EYA4: variants seen among roughly 807,000 people sequenced by gnomAD.
The protein encoded by EYA4 is EYA transcriptional coactivator and phosphatase 4, also known as protein phosphatase EYA4.
Under a neutral mutation model 87.9 loss-of-function variants are expected in EYA4, and 31 were observed. That is an observed-to-expected ratio of 0.35 (90% confidence interval 0.27 to 0.48). The LOEUF is 0.48. EYA4 is among the 20% of genes least tolerant of loss of function. The probability of loss-of-function intolerance (pLI) is 0.99; values close to 1 mark genes in which losing one functional copy is unlikely to be tolerated. For synonymous variants in EYA4, 263 were observed against 270.6 expected, an observed-to-expected ratio of 0.97 and a Z score of 0.28; for missense variants, 678 against 761.4, an observed-to-expected ratio of 0.89 and a Z score of 1.29.
chr6:133,422,535 A>G (rs1790309501), intron 3 of EYA4, among the ~76,000 whole-genome samples: 1 of 152,168 alleles, frequency 6.6e-6, no homozygotes, highest in African/African-American at 2.4e-5. Context: ...CATTTAAGTT[A>G]TTTCTAATTC....
intron 2 of EYA4, among the ~76,000 whole-genome samples, chr6:133,288,492 G>C (rs1246548358): frequency 6.6e-6 from 1 of 152,122 alleles, no homozygotes; most frequent in Non-Finnish European, 1.5e-5. Flanking sequence ...TTTAGGAGCA[G>C]GTATCAATGA....
intron 6 of EYA4, among the ~76,000 whole-genome samples, chr6:133,459,901 C>T (rs1459033263): frequency 6.6e-6 from 1 of 151,992 alleles, no homozygotes; most frequent in Admixed American, 6.6e-5. Flanking sequence ...TAAAAATATA[C>T]TTACTTCATT....
intron 13 of EYA4, among the ~76,000 whole-genome samples, chr6:133,488,800 A>G (rs1796896089): frequency 2.6e-5 from 4 of 152,146 alleles, no homozygotes; most frequent in Admixed American, 2.6e-4. Flanking sequence ...AAGGACAGGT[A>G]TAAAGAAGCC....
intron 3 of EYA4, 117 bp downstream of exon 3, chr6:133,382,558 T>A: frequency 1.2e-6 from 1 of 803,768 alleles, no homozygotes; most frequent in Non-Finnish European, 2.3e-6. Flanking sequence ...TTGAAGAACT[T>A]ATCTTGATGG....
At chr6:133,304,187 A>G (rs1779631371) in intron 2 of EYA4, among the ~76,000 whole-genome samples, 1 of 152,208 alleles carries the variant, frequency 6.6e-6, no homozygotes, top group Non-Finnish European at 1.5e-5. Context: ...CTCACCCTTA[A>G]CTAAGCATCA....
rs35905853 is a variant in EYA4, at chr6:133,348,261, G to GTT, written c.34-34103_34-34102dup. Among the ~76,000 whole-genome samples, 92 of 68,792 alleles carry GTT rather than the reference G, an allele frequency of 1.3e-3. 6 individuals carry two copies. Among genetic ancestry groups the GTT allele is most frequent in the African/African-American group, 2.9e-3 (45 of 15,508 alleles). The allele number at this position is 68,792 out of a possible 152,430, so 45.1% of individuals were successfully genotyped here. On this transcript the variant is annotated intron_variant, in intron 2 of 19. Transcript: ENST00000355286. ...ATCTTCCTCCTCATCTCTTCAAGTA[G>GTT]TTTTTTTTTTTTTTTTTTTTTTTTT...
At chr6:133,398,847 T>C (rs564551655) in intron 3 of EYA4, among the ~76,000 whole-genome samples, 2 of 152,156 alleles carry the variant, frequency 1.3e-5, no homozygotes, top group African/African-American at 4.8e-5. Flanking sequence ...TAAAACCTTG[T>C]CCCCAAATAA....
At chr6:133,274,363 A>G (rs1776993114) in intron 1 of EYA4, among the ~76,000 whole-genome samples, 1 of 152,196 alleles carries the variant, frequency 6.6e-6, no homozygotes, top group African/African-American at 2.4e-5. Context: ...TTGAAAGTAA[A>G]TGGTTAATTC....
rs181913152 is a variant in EYA4 at position 133,333,922 on chromosome 6, G to A, written c.34-48470G>A. On this transcript the variant is annotated intron_variant, in intron 2 of 19. Transcript: ENST00000355286. The stretch of plus-strand genomic sequence containing the variant: ...CCTTCTGAAAAAAGGTTTTTTTAGG[G>A]TAAGGAACTTTACTGGTGGGCTCTA... Among the ~76,000 whole-genome samples the A allele has an allele frequency of 2.8e-4, 42 of 152,190 alleles. No individual in the cohort carries two copies. The East Asian group carries it at 7.1e-3, about 26-fold the overall frequency.
intron 3 of EYA4, among the ~76,000 whole-genome samples, chr6:133,427,092 G>A (rs1438637789): frequency 6.6e-6 from 1 of 152,180 alleles, no homozygotes; most frequent in Non-Finnish European, 1.5e-5. Flanking sequence ...TTAAATAAGT[G>A]AATGAAAGTA....
intron 2 of EYA4, among the ~76,000 whole-genome samples, chr6:133,347,757 C>T (rs1287382197): frequency 6.6e-6 from 1 of 152,056 alleles, no homozygotes; most frequent in African/African-American, 2.4e-5. Context: ...TAACTTGTCC[C>T]AAAATCATGT....
intron 2 of EYA4, among the ~76,000 whole-genome samples, chr6:133,364,514 C>T (rs1784708324): frequency 6.6e-6 from 1 of 152,176 alleles, no homozygotes; most frequent in Non-Finnish European, 1.5e-5. Flanking sequence ...CTTGGGGCTC[C>T]TGCCAATAGT....
intron 3 of EYA4, among the ~76,000 whole-genome samples, chr6:133,392,076 G>A (rs3777808): frequency 0.03 from 4,614 of 152,190 alleles, 183 homozygotes; most frequent in East Asian, 0.18. Flanking sequence ...TTTAAGTGGA[G>A]TGGCAGCGAA....
intron 3 of EYA4, among the ~76,000 whole-genome samples, chr6:133,404,720 A>T (rs1276459697): frequency 6.6e-6 from 1 of 152,224 alleles, no homozygotes; most frequent in African/African-American, 2.4e-5. Flanking sequence ...TTATCAGTTA[A>T]TGTAAGTCTG....
chr6:133,244,888 G>A (rs1774280133), intron 1 of EYA4, among the ~76,000 whole-genome samples: 10 of 152,014 alleles, frequency 6.6e-5, no homozygotes, highest in Admixed American at 6.5e-4. Context: ...ACAGAAAGAC[G>A]ATGACTATTG....
chr6:133,268,425 A>G (rs1421178321), intron 1 of EYA4, among the ~76,000 whole-genome samples: 2 of 152,184 alleles, frequency 1.3e-5, no homozygotes, highest in Non-Finnish European at 2.9e-5. Flanking sequence ...TCAGAGTAAG[A>G]AGGAACATCA....
intron 2 of EYA4, among the ~76,000 whole-genome samples, chr6:133,334,448 C>T (rs1782213301): frequency 6.6e-6 from 1 of 152,120 alleles, no homozygotes; most frequent in Admixed American, 6.5e-5. Flanking sequence ...GTAAGACTGT[C>T]ACAGTAGGAT....
chr6:133,531,242 T>C lies in EYA4; in HGVS notation c.*2437T>C, dbSNP rs1800992618. The C allele has an allele frequency of 1.3e-6, 2 of 1,525,206 alleles. No homozygotes were observed. Among genetic ancestry groups the C allele is most frequent in the Non-Finnish European group, 1.8e-6 (2 of 1,137,880 alleles). 94.5% of individuals were successfully genotyped at this position (1,525,206 alleles called of 1,614,324 possible). A position where few individuals can be genotyped will look rare whatever the true frequency, so the allele number is the denominator to read the frequency against. On this transcript the variant is annotated 3_prime_UTR_variant, in exon 20 of 20. Transcript: ENST00000355286. ...GCCGGCATAAAACCTAAATGCAAGG[T>C]TGACGGAGAACAGCTTGTCTGGCAC...
intron 2 of EYA4, among the ~76,000 whole-genome samples, chr6:133,289,886 A>G (rs1309891367): frequency 6.6e-6 from 1 of 152,244 alleles, no homozygotes; most frequent in African/African-American, 2.4e-5. Flanking sequence ...AAGAGCTAGG[A>G]TAGCAGGGTA....
Sources: allele counts gnomAD v4.1 joint callset (sites outside exome capture counted in the v4.1 genomes callset), GRCh38; gene constraint gnomAD v4.1.1; transcripts MANE v1.5; gene names NCBI Gene and HGNC (gene_info 2026-07-23, HGNC 2026-07-21).